The following DPY19L1 variants were observed in gnomAD, a reference collection of about 807,000 sequenced individuals.
DPY19L1 encodes the protein protein C-mannosyl-transferase DPY19L1.
In DPY19L1, 35 loss-of-function variants were observed where a neutral mutation model predicts 96.9. That is an observed-to-expected ratio of 0.36 (90% confidence interval 0.28 to 0.48). The LOEUF (loss-of-function observed/expected upper bound fraction) is 0.48. Among genes scored for constraint, DPY19L1 ranks in the 20% least tolerant of loss-of-function variants. DPY19L1 has a pLI of 0.99. For missense variants in DPY19L1, 521 were observed against 777.9 expected, an observed-to-expected ratio of 0.67 and a Z score of 3.93; for synonymous variants, 205 against 252.6, an observed-to-expected ratio of 0.81 and a Z score of 1.79.
intron 20 of DPY19L1, among the ~76,000 whole-genome samples, chr7:34,938,403 C>T (rs899982744): frequency 2.0e-5 from 3 of 152,184 alleles, no homozygotes; most frequent in African/African-American, 7.2e-5. Flanking sequence ...TTCTTCACTT[C>T]GCTATCACAT....
intron 10 of DPY19L1, among the ~76,000 whole-genome samples, chr7:34,965,926 A>G (rs1784598785): frequency 6.6e-6 from 1 of 152,060 alleles, no homozygotes; most frequent in East Asian, 1.9e-4. Flanking sequence ...CCCCTTCTCA[A>G]GAAGACCTGC....
At chr7:34,933,338 G>A (rs565999707) in intron 21 of DPY19L1, among the ~76,000 whole-genome samples, 1 of 152,218 alleles carries the variant, frequency 6.6e-6, no homozygotes, top group African/African-American at 2.4e-5. Context: ...ATTATGCTTC[G>A]CATCCTGGTA....
Position 34,940,150 on chromosome 7 carries a change from TA to T in DPY19L1, c.1864+2del. Reference sequence around the variant, plus strand: ...ACTTTTTTTTTCTTTTTTTTTTTTTTACCTGGTTTAGTACTATATTTGATCC... The same window carrying T: ...ACTTTTTTTTTCTTTTTTTTTTTTTTCCTGGTTTAGTACTATATTTGATCC... On this transcript the variant is annotated splice_donor_variant, in intron 19 of 21. Transcript: ENST00000638088. LOFTEE classifies it high-confidence loss of function. The T allele has an allele frequency of 1.4e-6, 2 of 1,462,540 alleles. No individual in the cohort carries two copies. The highest frequency in any genetic ancestry group is 1.4e-5 in the South Asian group (1 of 70,812). 90.6% of individuals were successfully genotyped at this position (1,462,540 alleles called of 1,614,324 possible). A position where few individuals can be genotyped will look rare whatever the true frequency, so the allele number is the denominator to read the frequency against.
intron 7 of DPY19L1, among the ~76,000 whole-genome samples, chr7:34,983,863 G>C (rs75509377): frequency 0.023 from 3,482 of 152,116 alleles, 130 homozygotes; most frequent in African/African-American, 0.08. Context: ...AACCAACCCA[G>C]AAAACAAAAG....
intron 1 of DPY19L1, among the ~76,000 whole-genome samples, chr7:35,033,209 T>C (rs1786302711): frequency 6.6e-6 from 1 of 152,230 alleles, no homozygotes; most frequent in Admixed American, 6.5e-5. Flanking sequence ...TCGGCTGACA[T>C]CTTTTCTTTC....
intron 8 of DPY19L1, among the ~76,000 whole-genome samples, chr7:34,972,973 G>A (rs1312674450): frequency 1.3e-5 from 2 of 152,180 alleles, no homozygotes; most frequent in African/African-American, 4.8e-5. Context: ...TGAATTCGGA[G>A]GATCACTGAA....
intron 1 of DPY19L1, among the ~76,000 whole-genome samples, chr7:35,034,533 C>T (rs1786339869): frequency 6.6e-6 from 1 of 152,090 alleles, no homozygotes; most frequent in African/African-American, 2.4e-5. Flanking sequence ...AAATAAGTAG[C>T]AAATAATGCC....
chr7:34,999,381 A>G (rs1489019071), intron 6 of DPY19L1, among the ~76,000 whole-genome samples: 4 of 152,362 alleles, frequency 2.6e-5, no homozygotes, highest in Non-Finnish European at 2.9e-5. Flanking sequence ...CAAAAATAAA[A>G]AAGGAAATGT....
At chr7:35,029,921 T>C (rs982917522) in intron 1 of DPY19L1, among the ~76,000 whole-genome samples, 2 of 152,188 alleles carry the variant, frequency 1.3e-5, no homozygotes, top group African/African-American at 4.8e-5. Context: ...ATCCCAAACT[T>C]CACCTGCTGA....
rs1277950974 is a variant in DPY19L1 at position 34,978,975 on chromosome 7, A to G, written c.823-5370T>C. On this transcript the variant is annotated intron_variant, in intron 7 of 21. Transcript: ENST00000638088. Reference sequence around the variant, plus strand: ...TATTTCAATCTGAACTTATAATACAATTTTAGCTCACACAGGATTTAATGT... The same window carrying G: ...TATTTCAATCTGAACTTATAATACAGTTTTAGCTCACACAGGATTTAATGT... 4.6e-5 allele frequency among the ~76,000 whole-genome samples: 7 copies of G among 152,098 alleles called. No homozygotes were observed. The East Asian group carries it at 1.3e-3, about 29-fold the overall frequency.
At chr7:34,957,578 G>C (rs1043527375) in intron 11 of DPY19L1, among the ~76,000 whole-genome samples, 2 of 151,824 alleles carry the variant, frequency 1.3e-5, no homozygotes, top group Non-Finnish European at 2.9e-5. Context: ...CATACAAGTA[G>C]ACAAGGGGCA....
At chr7:34,994,803 CAA>C (rs560016715) in intron 6 of DPY19L1, among the ~76,000 whole-genome samples, 15 of 124,072 alleles carry the variant, frequency 1.2e-4, no homozygotes, top group African/African-American at 3.5e-4. Flanking sequence ...GATTCCGTCT[CAA>C]AAAAAAAAAA....
At chr7:34,989,159 A>C (rs142189133) in intron 7 of DPY19L1, among the ~76,000 whole-genome samples, 2 of 152,308 alleles carry the variant, frequency 1.3e-5, no homozygotes, top group Non-Finnish European at 2.9e-5. Flanking sequence ...ATTTTGCAAA[A>C]AGTACTTAAA....
rs1417763687 is a variant in DPY19L1 at position 34,990,017 on chromosome 7, T to C, written c.765-76A>G. Reference sequence around the variant, plus strand: ...AAGAAAAACCTTAAAACACATAATATCATAACCACTGGTATTATATAAGAT... The same window carrying C: ...AAGAAAAACCTTAAAACACATAATACCATAACCACTGGTATTATATAAGAT... On this transcript the variant is annotated intron_variant, in intron 6 of 21. Coordinates refer to ENST00000638088, the MANE Select transcript of DPY19L1 (RefSeq NM_001366673.1). The C allele has an allele frequency of 2.7e-6, 3 of 1,117,102 alleles. No homozygotes were observed. The African/African-American group carries it at 4.8e-5, about 18-fold the overall frequency. The allele number at this position is 1,117,102 out of a possible 1,614,324, so 69.2% of individuals were successfully genotyped here.
chr7:35,019,068 A>G (rs1282567257), intron 1 of DPY19L1, among the ~76,000 whole-genome samples: 1 of 152,174 alleles, frequency 6.6e-6, no homozygotes, highest in Non-Finnish European at 1.5e-5. Flanking sequence ...AAATGAGTAA[A>G]GGAGAAGAAA....
intron 1 of DPY19L1, among the ~76,000 whole-genome samples, chr7:35,025,656 A>G (rs1207273683): frequency 6.6e-6 from 1 of 152,208 alleles, no homozygotes; most frequent in Non-Finnish European, 1.5e-5. Context: ...GATATAGAAT[A>G]TGAATGATAA....
chr7:34,943,729 T>C (rs1042318644), intron 16 of DPY19L1, among the ~76,000 whole-genome samples: 2 of 152,212 alleles, frequency 1.3e-5, no homozygotes, highest in African/African-American at 4.8e-5. Flanking sequence ...ATAGGTGAGT[T>C]ATTACTCTTG....
chr7:34,959,943 AT>A (rs1212653650), intron 10 of DPY19L1, among the ~76,000 whole-genome samples: 14 of 143,404 alleles, frequency 9.8e-5, no homozygotes, highest in Admixed American at 2.8e-4. Flanking sequence ...ATATATATAT[AT>A]ATAAAAGAAC....
At chr7:34,939,008 T>C (rs765544707) in intron 20 of DPY19L1, 3 of 291,676 alleles carry the variant, frequency 1.0e-5, no homozygotes, top group Non-Finnish European at 1.9e-5. Context: ...TAGAGCCCTG[T>C]TAACCTGTGG....
Sources: gnomAD v4.1 joint callset for allele counts (sites outside exome capture counted in the v4.1 genomes callset) on GRCh38, gnomAD v4.1.1 for gene constraint, MANE v1.5 for transcripts, NCBI Gene and HGNC (gene_info 2026-07-23, HGNC 2026-07-21) for gene names.